Variants in MROH9 observed in about 807,000 individuals in gnomAD.
MROH9 encodes maestro heat-like repeat-containing protein family member 9.
In MROH9, 92 loss-of-function variants were observed where a neutral mutation model predicts 98.2. The ratio of observed to expected loss-of-function variants is 0.94; its 90% CI spans 0.79 to 1.11. The LOEUF (loss-of-function observed/expected upper bound fraction) is 1.11, where lower values mean the gene tolerates loss of function less well. Among genes scored for constraint, MROH9 ranks in the 50% most tolerant of loss-of-function variants. The pLI is 0.00. For synonymous variants in MROH9, 397 were observed against 368.9 expected, an observed-to-expected ratio of 1.08 and a Z score of -0.87; for missense variants, 1,057 against 1,014.8, an observed-to-expected ratio of 1.04 and a Z score of -0.57.
rs1553219583 is a variant in MROH9 at position 171,024,303 on chromosome 1, G to GTGTGTGTGTGTGT, written c.1909-92_1909-91insTGTGTGTGTGTGT. 141 of 670,060 alleles carry GTGTGTGTGTGTGT rather than the reference G, an allele frequency of 2.1e-4. No homozygotes were observed. In the African/African-American group the frequency reaches 2.1e-3, roughly 10 times the overall value. The allele number at this position is 670,060 out of a possible 1,614,324, so 41.5% of individuals were successfully genotyped here. On this transcript the variant is annotated intron_variant, in intron 17 of 21. Transcript: ENST00000367759. ...ATACATATATAGTATATTTATATGG[G>GTGTGTGTGTGTGT]GTGTGTGTGTGTGTGTGTGTGTGTG...
At chr1:170,962,810 C>T (rs555301483) in intron 6 of MROH9, among the ~76,000 whole-genome samples, 2 of 151,776 alleles carry the variant, frequency 1.3e-5, no homozygotes, top group African/African-American at 2.4e-5. Context: ...TTCCTTACAC[C>T]ATATACAAAA....
At position 171,049,783 on chromosome 1, in the gene MROH9, T is replaced by A. The variant is rs1653606010; in HGVS notation, c.2282-12349T>A. On this transcript the variant is annotated intron_variant, in intron 20 of 21. Transcript: ENST00000367759. ...ACAGCCTCGACCTCCCAGGTTCAAG[T>A]GGTCTTCTCACCTCAGCCCCCTAAG... Among the ~76,000 whole-genome samples, 2 of 151,996 alleles carry A rather than the reference T, an allele frequency of 1.3e-5. 1 individual carries two copies. The highest frequency in any genetic ancestry group is 4.1e-4 in the South Asian group (2 of 4,826).
In MROH9 at chr1:170,987,948, G is replaced by T. The variant is rs765007183; in HGVS notation, c.879+1238G>T. 2.7e-4 allele frequency among the ~76,000 whole-genome samples: 41 copies of T among 152,256 alleles called. No homozygotes were observed. In the Middle Eastern group the frequency reaches 0.01, roughly 38 times the overall value. ...ACAGTTTCAATAAGATGCTTATCTT[G>T]TTTTTCCACTGAGCTTCACATCATC... On this transcript the variant is annotated intron_variant, in intron 10 of 21. Transcript: ENST00000367759.
intron 20 of MROH9, among the ~76,000 whole-genome samples, chr1:171,033,524 G>T (rs2101851074): frequency 6.6e-6 from 1 of 152,222 alleles, no homozygotes; most frequent in East Asian, 1.9e-4. Flanking sequence ...GCCCCGTGTG[G>T]CTCTCAGGCC....
chr1:171,056,031 C>T (rs1417524890), intron 20 of MROH9, among the ~76,000 whole-genome samples: 2 of 152,182 alleles, frequency 1.3e-5, no homozygotes, highest in South Asian at 2.1e-4. Flanking sequence ...ACTCATGAAC[C>T]CACACCACCG....
intron 5 of MROH9, among the ~76,000 whole-genome samples, chr1:170,960,560 T>C (rs1300191839): frequency 6.6e-6 from 1 of 152,060 alleles, no homozygotes; most frequent in Non-Finnish European, 1.5e-5. Context: ...ACCTACATAG[T>C]GTGTGGAACA....
intron 7 of MROH9, among the ~76,000 whole-genome samples, chr1:170,965,895 AC>A (rs1262315723): frequency 6.6e-6 from 1 of 152,124 alleles, no homozygotes; most frequent in African/African-American, 2.4e-5. Context: ...CATCCTATAG[AC>A]ATTTTCATGT....
intron 17 of MROH9, among the ~76,000 whole-genome samples, chr1:171,023,543 TCA>T (rs1440879613): frequency 6.6e-6 from 1 of 152,190 alleles, no homozygotes; most frequent in Non-Finnish European, 1.5e-5. Flanking sequence ...AACTCATTTT[TCA>T]CAGTTTTTTT....
At chr1:170,986,469 G>A in intron 9 of MROH9, 92 bp from the exon 10 acceptor site, 1 of 1,360,970 alleles carries the variant, frequency 7.3e-7, no homozygotes, top group Non-Finnish European at 1.0e-6. Flanking sequence ...GGCCCTGCTT[G>A]GCTCTTGAGC....
chr1:171,019,647 TC>T (rs1652443561), intron 17 of MROH9, among the ~76,000 whole-genome samples: 1 of 143,844 alleles, frequency 7.0e-6, no homozygotes, highest in African/African-American at 2.6e-5. Flanking sequence ...CGAGACTCCA[TC>T]AAAAAAAAAA....
intron 3 of MROH9, among the ~76,000 whole-genome samples, chr1:170,952,464 G>A (rs1317874587): frequency 6.6e-6 from 1 of 151,922 alleles, no homozygotes. Flanking sequence ...CATGGATGAA[G>A]CTGGAAACCA....
chr1:170,964,911 G>A (rs1026314370), intron 6 of MROH9, among the ~76,000 whole-genome samples: 2 of 151,970 alleles, frequency 1.3e-5, no homozygotes, highest in African/African-American at 4.8e-5. Context: ...TATTATAGTG[G>A]ATATTAGTAA....
At chr1:171,033,136 G>C (rs1047030705) in intron 20 of MROH9, among the ~76,000 whole-genome samples, 6 of 152,378 alleles carry the variant, frequency 3.9e-5, no homozygotes, top group African/African-American at 1.2e-4. Context: ...TCCAGCAGGG[G>C]AAAAGCACAG....
At chr1:170,958,435 T>TC in intron 3 of MROH9, 26 bp from the exon 4 acceptor site, 3 of 1,401,986 alleles carry the variant, frequency 2.1e-6, no homozygotes, top group Non-Finnish European at 3.0e-6. Context: ...TCTTCTTTTT[T>TC]TTTTTTTTTT....
chr1:170,989,997 C>T lies in MROH9; in HGVS notation c.1022C>T (p.Ala341Val). Reference protein sequence around the residue: ...IFQLMDYPVPADDTLIQMWKA... With the variant: ...IFQLMDYPVPVDDTLIQMWKA... Reference sequence around the variant, plus strand: ...CAACTTATGGACTACCCAGTTCCAGCAGACGAGTAAGGCCCCCCAACCCTC... The same window carrying T: ...CAACTTATGGACTACCCAGTTCCAGTAGACGAGTAAGGCCCCCCAACCCTC... The change falls in exon 11 of 22, where the codon GCA (alanine) becomes GTA (valine). Residue 341 changes from alanine to valine, a missense_variant. Ala to Val is a moderately conservative substitution (Grantham distance 64). Coordinates refer to ENST00000367759, the MANE Select transcript of MROH9 (RefSeq NM_001163629.2). 2 of 1,610,206 alleles carry T rather than the reference C, an allele frequency of 1.2e-6. No homozygotes were observed. The highest frequency in any genetic ancestry group is 1.7e-6 in the Non-Finnish European group (2 of 1,177,374).
chr1:170,947,453 G>C, intron 2 of MROH9, 74 bp from the exon 3 acceptor site: 3 of 1,282,238 alleles, frequency 2.3e-6, no homozygotes, highest in Non-Finnish European at 3.4e-6. Context: ...CTTCAGGTTT[G>C]GAAATAAGGC....
intron 17 of MROH9, 55 bp downstream of exon 17, chr1:171,016,391 C>A: frequency 7.7e-7 from 1 of 1,304,384 alleles, no homozygotes; most frequent in Non-Finnish European, 9.9e-7. Flanking sequence ...TCACCTGAAA[C>A]TCAAGTTGAG....
intron 20 of MROH9, among the ~76,000 whole-genome samples, chr1:171,057,018 A>G (rs537478227): frequency 6.6e-6 from 1 of 152,320 alleles, no homozygotes; most frequent in East Asian, 1.9e-4. Context: ...AGAAAGAATC[A>G]ATGACAAAAT....
chr1:171,020,957 G>T (rs1652496471), intron 17 of MROH9, among the ~76,000 whole-genome samples: 1 of 151,962 alleles, frequency 6.6e-6, no homozygotes, highest in Non-Finnish European at 1.5e-5. Context: ...ACATTTCCAT[G>T]CACCAACAAT....
Sources: gnomAD v4.1 joint callset for allele counts (sites outside exome capture counted in the v4.1 genomes callset) on GRCh38, gnomAD v4.1.1 for gene constraint, MANE v1.5 for transcripts, NCBI Gene and HGNC (gene_info 2026-07-23, HGNC 2026-07-21) for gene names.